NRP1: variants seen among roughly 807,000 people sequenced by gnomAD.
The protein encoded by NRP1 is neuropilin-1.
In NRP1, 35 loss-of-function variants were observed where a neutral mutation model predicts 106.7. The ratio of observed to expected loss-of-function variants is 0.33; its 90% CI spans 0.25 to 0.43. NRP1 has a LOEUF of 0.43. NRP1 is among the 20% of genes least tolerant of loss of function. The probability of loss-of-function intolerance (pLI) is 1.00; values close to 1 mark genes in which losing one functional copy is unlikely to be tolerated. For missense variants in NRP1, 1,024 were observed against 1,170.4 expected (o/e 0.87, Z 1.83); for synonymous variants, 437 against 417.9 (o/e 1.05, Z -0.56).
At chr10:33,288,767 CT>C (rs1386587066) in intron 2 of NRP1, among the ~76,000 whole-genome samples, 1 of 152,160 alleles carries the variant, frequency 6.6e-6, no homozygotes, top group Non-Finnish European at 1.5e-5. Flanking sequence ...TTCTGTGAAG[CT>C]TTTCTTTTAC....
At chr10:33,313,332 G>A (rs16934384) in intron 2 of NRP1, among the ~76,000 whole-genome samples, 6,971 of 152,182 alleles carry the variant, frequency 0.046, 559 homozygotes, top group African/African-American at 0.16. Context: ...CTTGGATCTA[G>A]GGAAGAAGAA....
chr10:33,180,406 C>G (rs1273700548), intron 16 of NRP1, 41 bp from the exon 17 acceptor site: 1 of 1,527,544 alleles, frequency 6.5e-7, no homozygotes, highest in Non-Finnish European at 8.8e-7. Flanking sequence ...GCACCGCCAA[C>G]AGACCAGATG....
chr10:33,329,697 T>G (rs1848137046), intron 2 of NRP1, among the ~76,000 whole-genome samples: 2 of 152,210 alleles, frequency 1.3e-5, no homozygotes, highest in Admixed American at 6.5e-5. Flanking sequence ...TTGATAAAAC[T>G]ATTTATATAT....
chr10:33,180,842 T>A (rs1317998138), intron 16 of NRP1, among the ~76,000 whole-genome samples: 2 of 152,196 alleles, frequency 1.3e-5, no homozygotes, highest in African/African-American at 4.8e-5. Context: ...GGTTTATGCA[T>A]GTGTTTGTTC....
At chr10:33,252,495 C>A (rs1173411533) in intron 6 of NRP1, among the ~76,000 whole-genome samples, 1 of 152,190 alleles carries the variant, frequency 6.6e-6, no homozygotes, top group Non-Finnish European at 1.5e-5. Context: ...CGAAGCCCCA[C>A]TGCCTGCCCA....
At chr10:33,245,081 T>A (rs1841319145) in intron 6 of NRP1, among the ~76,000 whole-genome samples, 1 of 152,226 alleles carries the variant, frequency 6.6e-6, no homozygotes, top group Non-Finnish European at 1.5e-5. Context: ...AACAAACACA[T>A]CTGTATTTTT....
chr10:33,198,743 G>T (rs528693731), intron 11 of NRP1, among the ~76,000 whole-genome samples: 1 of 147,278 alleles, frequency 6.8e-6, no homozygotes, highest in East Asian at 2.3e-4. Context: ...GAAAACTGAG[G>T]GTTTAAAGTA....
intron 6 of NRP1, among the ~76,000 whole-genome samples, chr10:33,241,541 G>C (rs564140097): frequency 6.6e-6 from 1 of 152,032 alleles, no homozygotes; most frequent in African/African-American, 2.4e-5. Flanking sequence ...CACTGGAACC[G>C]TTCTTAAAAC....
chr10:33,250,459 A>G (rs1286256867), intron 6 of NRP1, among the ~76,000 whole-genome samples: 1 of 152,234 alleles, frequency 6.6e-6, no homozygotes, highest in Admixed American at 6.5e-5. Context: ...TTTCAGAGGG[A>G]TGGAGCAGCA....
At chr10:33,301,883 C>A (rs1236261770) in intron 2 of NRP1, among the ~76,000 whole-genome samples, 1 of 152,024 alleles carries the variant, frequency 6.6e-6, no homozygotes, top group Non-Finnish European at 1.5e-5. Context: ...GCAACTTTAC[C>A]CTTTATAAAC....
intron 13 of NRP1, among the ~76,000 whole-genome samples, chr10:33,191,507 T>C (rs902268830): frequency 1.3e-5 from 2 of 152,192 alleles, no homozygotes; most frequent in Non-Finnish European, 2.9e-5. Flanking sequence ...CGAGGGGACA[T>C]AATATATGCT....
intron 8 of NRP1, among the ~76,000 whole-genome samples, chr10:33,216,620 T>G (rs1564391516): frequency 7.0e-6 from 1 of 142,132 alleles, no homozygotes; most frequent in Non-Finnish European, 1.6e-5. Context: ...TGATTGGCAA[T>G]TTTTTTTTTT....
chr10:33,313,242 C>T (rs1298760599), intron 2 of NRP1, among the ~76,000 whole-genome samples: 3 of 152,092 alleles, frequency 2.0e-5, no homozygotes, highest in African/African-American at 7.2e-5. Context: ...AAACATGTGT[C>T]TCAGTGAAAT....
intron 6 of NRP1, among the ~76,000 whole-genome samples, chr10:33,252,956 CA>C (rs1841964080): frequency 6.6e-6 from 1 of 150,574 alleles, no homozygotes; most frequent in Non-Finnish European, 1.5e-5. Flanking sequence ...AAGACTGAAG[CA>C]GCAATAGATG....
intron 2 of NRP1, among the ~76,000 whole-genome samples, chr10:33,309,857 G>A (rs538705877): frequency 4.0e-5 from 6 of 151,792 alleles, no homozygotes; most frequent in African/African-American, 1.2e-4. Context: ...CCAGTTTCCC[G>A]TTTCTCAAGT....
At chr10:33,261,274 C>T (rs905803986) in intron 4 of NRP1, among the ~76,000 whole-genome samples, 1 of 152,190 alleles carries the variant, frequency 6.6e-6, no homozygotes, top group Non-Finnish European at 1.5e-5. Context: ...ACCCTTGACA[C>T]TAATAACAAT....
chr10:33,300,285 A>G (rs1025007544), intron 2 of NRP1, among the ~76,000 whole-genome samples: 5 of 152,208 alleles, frequency 3.3e-5, no homozygotes, highest in African/African-American at 1.2e-4. Flanking sequence ...ACACACTTCA[A>G]GAGTGTCCAC....
intron 2 of NRP1, among the ~76,000 whole-genome samples, chr10:33,321,161 AT>A (rs1239809214): frequency 2.0e-5 from 3 of 152,062 alleles, no homozygotes; most frequent in African/African-American, 7.2e-5. Context: ...TAATTTTTGC[AT>A]TTTTAGTAGA....
At chr10:33,245,973 T>C (rs370529699) in intron 6 of NRP1, among the ~76,000 whole-genome samples, 28 of 152,326 alleles carry the variant, frequency 1.8e-4, no homozygotes, top group African/African-American at 6.7e-4. Context: ...TTTTTGGTGA[T>C]GCTTCATCAT....
Sources: gnomAD v4.1 joint callset for allele counts (sites outside exome capture counted in the v4.1 genomes callset) on GRCh38, gnomAD v4.1.1 for gene constraint, MANE v1.5 for transcripts, NCBI Gene and HGNC (gene_info 2026-07-23, HGNC 2026-07-21) for gene names.